Variants in PSMC3 observed in about 807,000 individuals in gnomAD.
PSMC3 encodes the protein proteasome 26S subunit, ATPase 3, also known as 26S proteasome regulatory subunit 6A.
PSMC3 carries 11 observed loss-of-function variants against 52.0 expected under a neutral mutation model. The ratio of observed to expected loss-of-function variants is 0.21; its 90% confidence interval spans 0.13 to 0.35. The LOEUF is 0.35. PSMC3 is among the 10% of genes least tolerant of loss of function. PSMC3 has a pLI of 1.00. For missense variants in PSMC3, 238 were observed against 567.1 expected (o/e 0.42, Z 5.89); for synonymous variants, 201 against 218.8 (o/e 0.92, Z 0.72).
chr11:47,424,596 G>A lies in PSMC3; in HGVS notation c.390+11C>T, dbSNP rs1249369528. ...CCCTCCTCCAGTCTCTCATTGCTGA[G>A]CCACGCTCACCTGTCGTGTAGAGGT... On this transcript the variant is annotated intron_variant, in intron 4 of 11. Transcript: ENST00000298852. This position sits in a 1 kb window ranked among gnomAD's most constrained non-coding sequence, Gnocchi z 4.8. The A allele has an allele frequency of 6.2e-7, 1 of 1,610,726 alleles. No individual in the cohort carries two copies. Among genetic ancestry groups the A allele is most frequent in the Non-Finnish European group, 8.5e-7 (1 of 1,176,988 alleles).
chr11:47,425,812 C>T (rs934612197), intron 2 of PSMC3, 55 bp downstream of exon 2: 45 of 1,497,384 alleles, frequency 3.0e-5, no homozygotes, highest in Non-Finnish European at 4.0e-5. Context: ...CGACTCGGAT[C>T]GCCGGGGCCT....
Position 47,422,287 on chromosome 11 carries a change from C to G in PSMC3, c.884+287G>C, listed in dbSNP as rs2153303879. 6.6e-6 allele frequency among the ~76,000 whole-genome samples: 1 copy of G among 152,314 alleles called. No homozygotes were observed. The highest frequency in any genetic ancestry group is 2.1e-4 in the South Asian group (1 of 4,828). On this transcript the variant is annotated intron_variant, in intron 8 of 11. Transcript: ENST00000298852. The surrounding 1 kb of genome is among the most constrained non-coding windows in gnomAD (Gnocchi z 4.3). ...TCGATCTCCTGACCTCGTGATCCGC[C>G]TGCCTCGGCCTCCCAAAGTGCTGGG...
rs1322198845 is a variant in PSMC3 at position 47,425,265 on chromosome 11, G to A, written c.160-19C>T. The A allele has an allele frequency of 1.2e-6, 2 of 1,613,684 alleles. No homozygotes were observed. Among genetic ancestry groups the A allele is most frequent in the South Asian group, 1.1e-5 (1 of 91,080 alleles). ...TCATGATCTGAGATCAGGAGGGGAG[G>A]AGAAGCAAATATAAACCCTGGCACA... On this transcript the variant is annotated intron_variant, in intron 2 of 11. Transcript: ENST00000298852.
At chr11:47,425,805 C>G in intron 2 of PSMC3, 62 bp downstream of exon 2, 1 of 1,471,414 alleles carries the variant, frequency 6.8e-7, no homozygotes, top group Non-Finnish European at 9.3e-7. Flanking sequence ...CGAGAGGCGA[C>G]TCGGATCGCC....
Position 47,422,469 on chromosome 11 carries a change from G to A in PSMC3, c.884+105C>T. 1 of 1,388,006 alleles carries A rather than the reference G, an allele frequency of 7.2e-7. No homozygotes were observed. Among genetic ancestry groups the A allele is most frequent in the Non-Finnish European group, 9.9e-7 (1 of 1,008,168 alleles). The allele number at this position is 1,388,006 out of a possible 1,614,324, so 86.0% of individuals were successfully genotyped here. On this transcript the variant is annotated intron_variant, in intron 8 of 11. Transcript: ENST00000298852. The surrounding 1 kb of genome is among the most constrained non-coding windows in gnomAD (Gnocchi z 4.3). ...TTGAGGAGCCACCATCCAGGGGCAG[G>A]AGGGGATACAGGGTGGGAAGGAACC...
rs1285743201 is a variant in PSMC3, at chr11:47,426,196, G to T, written c.75+9C>A. On this transcript the variant is annotated intron_variant, in intron 1 of 11. Coordinates refer to ENST00000298852, the MANE Select transcript of PSMC3 (RefSeq NM_002804.5). ...CGGTTCCCGGACCGCCAGCTCGCCC[G>T]GTGCCCACCTCGGCCTCATCCCACA... 10 of 1,556,386 alleles carry T rather than the reference G, an allele frequency of 6.4e-6. No individual in the cohort carries two copies. Among genetic ancestry groups the T allele is most frequent in the Non-Finnish European group, 7.8e-6 (9 of 1,150,878 alleles).
chr11:47,421,886 A>G (rs1359788030), intron 8 of PSMC3, among the ~76,000 whole-genome samples: 1 of 151,822 alleles, frequency 6.6e-6, no homozygotes, highest in Non-Finnish European at 1.5e-5. Flanking sequence ...TCCTGACCTC[A>G]AGTGATCTGC....
At chr11:47,420,558 C>G (rs1023765737) in intron 9 of PSMC3, 73 bp downstream of exon 9, 1 of 1,507,666 alleles carries the variant, frequency 6.6e-7, no homozygotes, top group African/African-American at 1.4e-5. Flanking sequence ...AGCTCCACCA[C>G]TGGCTAGCTG....
chr11:47,419,650 GAAAT>G (rs2096037712), intron 10 of PSMC3, among the ~76,000 whole-genome samples: 1 of 152,118 alleles, frequency 6.6e-6, no homozygotes, highest in African/African-American at 2.4e-5. Flanking sequence ...ACAAGGTCAG[GAAAT>G]CAAGACCATT....
chr11:47,425,634 T>A (rs566165578), intron 2 of PSMC3: 2 of 552,282 alleles, frequency 3.6e-6, no homozygotes, highest in East Asian at 5.9e-5. Context: ...CAGTTCTCAC[T>A]GGGAAAGGCA....
At chr11:47,425,732 C>A in intron 2 of PSMC3, 135 bp downstream of exon 2, 1 of 738,918 alleles carries the variant, frequency 1.4e-6, no homozygotes. Context: ...TCTTTCCTCT[C>A]TTCCTGATAT....
At chr11:47,420,095 C>G (rs1435036645) in intron 10 of PSMC3, among the ~76,000 whole-genome samples, 169 bp downstream of exon 10, 1 of 152,152 alleles carries the variant, frequency 6.6e-6, no homozygotes, top group East Asian at 1.9e-4. Context: ...GACGCTACAT[C>G]ACACAACTGA....
chr11:47,421,199 G>A (rs1024912058), intron 8 of PSMC3, among the ~76,000 whole-genome samples: 2 of 124,372 alleles, frequency 1.6e-5, no homozygotes, highest in Non-Finnish European at 3.1e-5. Context: ...GCAGTGAGCC[G>A]AGATCACGCC....
At chr11:47,425,347 C>T (rs1464373314) in intron 2 of PSMC3, 101 bp from the exon 3 acceptor site, 4 of 1,384,690 alleles carry the variant, frequency 2.9e-6, no homozygotes, top group Non-Finnish European at 4.0e-6. Flanking sequence ...GACCCTCCCG[C>T]ATCCATTCAT....
At position 47,419,124 on chromosome 11, in the gene PSMC3, C is replaced by A; in HGVS notation, c.1201G>T (p.Val401Leu). The A allele has an allele frequency of 1.2e-6, 2 of 1,614,196 alleles. No individual in the cohort carries two copies. The highest frequency in any genetic ancestry group is 1.7e-6 in the Non-Finnish European group (2 of 1,180,036). The change falls in exon 11 of 12, where the codon GTG (valine) becomes TTG (leucine). Residue 401 changes from valine to leucine, a missense_variant. By Grantham distance (32) the Val-to-Leu change is conservative (BLOSUM62 1). This residue lies in a region of PSMC3 where 23 missense variants were observed against 64.6 expected (regional missense o/e 0.36). Transcript: ENST00000298852. ...FNGAQCKAVC[V>L]EAGMIALRRG... ...CCCAGCTGACCACTCACCGCCTCCACACACACAGCCTTGCACTGGGCCCCA... is the reference window on the plus strand; with the variant it reads ...CCCAGCTGACCACTCACCGCCTCCAAACACACAGCCTTGCACTGGGCCCCA...
rs1194770038 is a variant in PSMC3, at chr11:47,418,993, C to A, written c.1210-48G>T. The A allele has an allele frequency of 6.2e-6, 10 of 1,607,994 alleles. No individual in the cohort carries two copies. In the East Asian group the frequency reaches 2.0e-4, roughly 32 times the overall value. The stretch of plus-strand genomic sequence containing the variant: ...CTAGGTCTGAACGCCTGAATGCCTT[C>A]CCTGGCTCCCTGAGGCTCAGGCCTC... On this transcript the variant is annotated intron_variant, in intron 11 of 11. Coordinates refer to ENST00000298852, the MANE Select transcript of PSMC3 (RefSeq NM_002804.5).
At position 47,422,742 on chromosome 11, in the gene PSMC3, G is replaced by A. The variant is rs1410599091; in HGVS notation, c.736-20C>T. ...GGTGGCCTGGCAGGAAAAGGTGGTAGAGTCAGGTCAAAGGCAGACCCTTTG... is the reference window on the plus strand; with the variant it reads ...GGTGGCCTGGCAGGAAAAGGTGGTAAAGTCAGGTCAAAGGCAGACCCTTTG... On this transcript the variant is annotated intron_variant, in intron 7 of 11. Transcript: ENST00000298852. This position sits in a 1 kb window ranked among gnomAD's most constrained non-coding sequence, Gnocchi z 4.3. 3 of 1,613,932 alleles carry A rather than the reference G, an allele frequency of 1.9e-6. No homozygotes were observed. The highest frequency in any genetic ancestry group is 2.7e-5 in the African/African-American group (2 of 74,930).
intron 8 of PSMC3, among the ~76,000 whole-genome samples, chr11:47,421,287 C>T (rs1484241058): frequency 6.9e-6 from 1 of 145,744 alleles, no homozygotes; most frequent in Non-Finnish European, 1.5e-5. Flanking sequence ...CAAAACCAAC[C>T]ACTGCTTGGG....
chr11:47,425,307 T>C (rs2096045130), intron 2 of PSMC3, 61 bp from the exon 3 acceptor site: 3 of 1,602,958 alleles, frequency 1.9e-6, no homozygotes, highest in Non-Finnish European at 2.6e-6. Flanking sequence ...GCTAGAGCCC[T>C]GTAACTAGTG....
Sources: allele counts gnomAD v4.1 joint callset (sites outside exome capture counted in the v4.1 genomes callset), GRCh38; gene constraint gnomAD v4.1.1; regional missense constraint gnomAD v4.1.1; non-coding constraint Gnocchi (gnomAD v3.1); transcripts MANE v1.5; gene names NCBI Gene and HGNC (gene_info 2026-07-23, HGNC 2026-07-21).